DAPK2: variants seen among roughly 807,000 people sequenced by gnomAD.
DAPK2 encodes the protein death associated protein kinase 2, also known as death-associated protein kinase 2.
DAPK2 carries 35 observed loss-of-function variants against 44.1 expected under a neutral mutation model. That is an observed-to-expected ratio of 0.79 (90% CI 0.61 to 1.05). The LOEUF (loss-of-function observed/expected upper bound fraction) is 1.05, where lower values mean the gene tolerates loss of function less well. Ranked by LOEUF, DAPK2 falls within the 50% of genes least tolerant of loss-of-function variation. The pLI is 0.00. For synonymous variants in DAPK2, 174 were observed against 182.6 expected (o/e 0.95, Z 0.38); for missense variants, 453 against 483.2 (o/e 0.94, Z 0.59).
intron 4 of DAPK2, among the ~76,000 whole-genome samples, chr15:63,931,891 G>A (rs1212130549): frequency 2.0e-5 from 3 of 152,156 alleles, no homozygotes; most frequent in South Asian, 2.1e-4. Context: ...TAGGATGGGC[G>A]TGGTGGCTCA....
chr15:64,030,532 T>C (rs1393415313), intron 1 of DAPK2, among the ~76,000 whole-genome samples: 3 of 152,054 alleles, frequency 2.0e-5, no homozygotes, highest in Admixed American at 2.0e-4. Flanking sequence ...TGGCCTGGTA[T>C]GGTCCTCACT....
rs1168533344 is a variant in DAPK2 at position 63,966,464 on chromosome 15, G to C, written c.453+4959C>G. ...ATGTCTCACTAGGTGTACCCTCCAAGTCCTCTGGCTCCAAGCACAGCACAG... is the reference window on the plus strand; with the variant it reads ...ATGTCTCACTAGGTGTACCCTCCAACTCCTCTGGCTCCAAGCACAGCACAG... On this transcript the variant is annotated intron_variant, in intron 3 of 10. Coordinates refer to ENST00000261891, the Ensembl canonical transcript of DAPK2. The surrounding 1 kb of genome is among the most constrained non-coding windows in gnomAD (Gnocchi z 5.5). Among the ~76,000 whole-genome samples the C allele has an allele frequency of 1.3e-5, 2 of 152,184 alleles. No homozygotes were observed. Among genetic ancestry groups the C allele is most frequent in the East Asian group, 3.8e-4 (2 of 5,204 alleles).
At chr15:64,029,461 T>G (rs957627985) in intron 1 of DAPK2, among the ~76,000 whole-genome samples, 2 of 152,030 alleles carry the variant, frequency 1.3e-5, no homozygotes, top group African/African-American at 4.8e-5. Flanking sequence ...ACCCTTGAGG[T>G]AGTTACCGGC....
chr15:63,986,769 T>A (rs1388364292), intron 1 of DAPK2, among the ~76,000 whole-genome samples: 1 of 152,214 alleles, frequency 6.6e-6, no homozygotes, highest in Non-Finnish European at 1.5e-5. Context: ...TGTTTAAGTC[T>A]CACCCTGAGA....
At chr15:64,021,058 A>G (rs2079666363) in intron 1 of DAPK2, among the ~76,000 whole-genome samples, 1 of 152,232 alleles carries the variant, frequency 6.6e-6, no homozygotes, top group Non-Finnish European at 1.5e-5. Flanking sequence ...TTAGCCTTAA[A>G]GAAAGCCACA....
At chr15:63,974,286 T>C (rs956593903) in intron 2 of DAPK2, among the ~76,000 whole-genome samples, 4 of 152,302 alleles carry the variant, frequency 2.6e-5, no homozygotes, top group African/African-American at 9.6e-5. Flanking sequence ...CAAATATGAG[T>C]GCTCAAGACC....
At chr15:64,033,013 G>A (rs1192221898) in intron 1 of DAPK2, among the ~76,000 whole-genome samples, 2 of 152,130 alleles carry the variant, frequency 1.3e-5, no homozygotes, top group African/African-American at 2.4e-5. Flanking sequence ...TTGAACCCAG[G>A]AGGTGGAGGT....
At chr15:63,991,083 A>C (rs1304707068) in intron 1 of DAPK2, 2 of 371,218 alleles carry the variant, frequency 5.4e-6, no homozygotes, top group African/African-American at 4.2e-5. Flanking sequence ...ACTTGGGGAC[A>C]CATTCCCCAA....
In DAPK2 at chr15:63,965,350, A is replaced by AG. The variant is rs766064909; in HGVS notation, c.453+6072dup. Among the ~76,000 whole-genome samples, 10 of 152,304 alleles carry AG rather than the reference A, an allele frequency of 6.6e-5. No homozygotes were observed. The East Asian group carries it at 1.2e-3, about 18-fold the overall frequency. ...GTACTGACCTGCCTGGGGCTAGGGG[A>AG]GGGGGAACACAAGCACTCCTGTGGC... On this transcript the variant is annotated intron_variant, in intron 3 of 10. Transcript: ENST00000261891.
intron 1 of DAPK2, among the ~76,000 whole-genome samples, chr15:64,028,835 G>T (rs1382661417): frequency 6.6e-6 from 1 of 151,992 alleles, no homozygotes; most frequent in Non-Finnish European, 1.5e-5. Flanking sequence ...GGTAGAGAAG[G>T]GGAAAGAGAG....
chr15:64,007,553 G>A (rs2079268142), intron 1 of DAPK2, among the ~76,000 whole-genome samples: 1 of 152,176 alleles, frequency 6.6e-6, no homozygotes, highest in Non-Finnish European at 1.5e-5. Flanking sequence ...CTCCTGGAGG[G>A]GGACAGGCTT....
rs2078707270 is a variant in DAPK2 at position 63,908,693 on chromosome 15, G to A, written c.1033-93C>T. ...TGGGCAACCTGGGTTGATTCACCTG[G>A]ACCACGGGACTACAAGCCAGGGAGG... On this transcript the variant is annotated intron_variant, in intron 10 of 10. Coordinates refer to ENST00000261891, the Ensembl canonical transcript of DAPK2. The surrounding 1 kb of genome is among the most constrained non-coding windows in gnomAD (Gnocchi z 5.7). The A allele has an allele frequency of 2.9e-6, 3 of 1,018,362 alleles. No individual in the cohort carries two copies. In the South Asian group the frequency reaches 5.3e-5, roughly 18 times the overall value. 63.1% of individuals were successfully genotyped at this position (1,018,362 alleles called of 1,614,324 possible).
upstream of DAPK2, among the ~76,000 whole-genome samples, chr15:64,042,326 G>A (rs1230182125): frequency 6.6e-6 from 1 of 152,048 alleles, no homozygotes; most frequent in African/African-American, 2.4e-5. The surrounding 1 kb of genome is among the most constrained non-coding windows in gnomAD (Gnocchi z 4.7). Flanking sequence ...AGTAAAGGGA[G>A]TGCTATCTAC....
intron 1 of DAPK2, among the ~76,000 whole-genome samples, chr15:64,001,777 A>G (rs2079091613): frequency 6.6e-6 from 1 of 152,222 alleles, no homozygotes; most frequent in African/African-American, 2.4e-5. Flanking sequence ...GTGTTAACAT[A>G]ACTCCCAGGT....
At chr15:63,937,982 A>G (rs1567218376) in intron 4 of DAPK2, among the ~76,000 whole-genome samples, 2 of 152,152 alleles carry the variant, frequency 1.3e-5, no homozygotes, top group African/African-American at 2.4e-5. Context: ...TGTCCCCCAT[A>G]CATCACCTAA....
Position 63,914,839 on chromosome 15 carries a change from A to G in DAPK2, c.859-2642T>C, listed in dbSNP as rs1022677679. ...TATCTCCTAAGGGAAGCCTTCCTTG[A>G]CCACCCTATATAAAGTAGCAAGCCA... On this transcript the variant is annotated intron_variant, in intron 8 of 10. Transcript: ENST00000261891. Among the ~76,000 whole-genome samples the G allele has an allele frequency of 2.6e-5, 4 of 152,200 alleles. No individual in the cohort carries two copies. In the East Asian group the frequency reaches 7.7e-4, roughly 29 times the overall value.
intron 4 of DAPK2, among the ~76,000 whole-genome samples, chr15:63,935,028 T>C (rs2077098056): frequency 1.3e-5 from 2 of 152,110 alleles, no homozygotes; most frequent in African/African-American, 4.8e-5. Context: ...GCAAACTCTA[T>C]ATCAATGTTT....
In DAPK2 at chr15:63,929,539, A is replaced by G. The variant is rs760741126; in HGVS notation, c.659+12T>C. 1.9e-6 allele frequency: 3 copies of G among 1,613,998 alleles called. No homozygotes were observed. The highest frequency in any genetic ancestry group is 3.3e-5 in the Admixed American group (2 of 60,000). On this transcript the variant is annotated intron_variant, in intron 6 of 10. Transcript: ENST00000261891. ...TAAGCTGAGCCAGAGCCCCTGGATC[A>G]GGGATACTCACAGGATGTAGGTGAT...
chr15:64,033,489 T>C (rs2080088901), intron 1 of DAPK2, among the ~76,000 whole-genome samples: 2 of 152,170 alleles, frequency 1.3e-5, no homozygotes, highest in South Asian at 4.1e-4. Flanking sequence ...CCTGCACTGC[T>C]ATAAAAAGAT....
Sources: gnomAD v4.1 joint callset for allele counts (sites outside exome capture counted in the v4.1 genomes callset) on GRCh38, gnomAD v4.1.1 for gene constraint, Gnocchi (gnomAD v3.1) non-coding constraint, MANE v1.5 for transcripts, NCBI Gene and HGNC (gene_info 2026-07-23, HGNC 2026-07-21) for gene names.